KAZN: variants seen among roughly 807,000 people sequenced by gnomAD.
KAZN encodes the protein kazrin, periplakin interacting protein.
A neutral mutation model predicts 87.4 loss-of-function variants in KAZN; 40 were observed. The observed-to-expected ratio is 0.46, with a 90% CI of 0.36 to 0.60. KAZN has a LOEUF of 0.60. Among genes scored for constraint, KAZN ranks in the 20% least tolerant of loss-of-function variants. The pLI is 0.00. For missense variants in KAZN, 898 were observed against 1,073.9 expected (o/e 0.84, Z 2.29); for synonymous variants, 466 against 458.3 (o/e 1.02, Z -0.22).
intron 2 of KAZN, among the ~76,000 whole-genome samples, chr1:14,201,017 T>C (rs1476983355): frequency 6.6e-6 from 1 of 152,184 alleles, no homozygotes; most frequent in Admixed American, 6.5e-5. Flanking sequence ...GATTGGCGCA[T>C]GGCCTCTCCT....
rs189585591 is a variant in KAZN at position 15,026,114 on chromosome 1, C to G, written c.419-8635C>G. Among the ~76,000 whole-genome samples the G allele has an allele frequency of 2.5e-3, 377 of 152,238 alleles. 1 individual carries two copies. The highest frequency in any genetic ancestry group is 8.7e-3 in the African/African-American group (361 of 41,558). ...GCCCTCGACTGGCCCTTTCCTTCTC[C>G]CTGACCTGGGTCTCTTCCCCGGGGC... On this transcript the variant is annotated intron_variant, in intron 2 of 14. Coordinates refer to ENST00000376030, the MANE Select transcript of KAZN (RefSeq NM_201628.3).
chr1:14,941,896 T>C (rs183542097), intron 1 of KAZN, among the ~76,000 whole-genome samples: 8 of 152,220 alleles, frequency 5.3e-5, no homozygotes, highest in East Asian at 3.9e-4. Flanking sequence ...GAACCCGGCA[T>C]TGGTCTTTTG....
intron 1 of KAZN, among the ~76,000 whole-genome samples, chr1:14,176,489 G>C (rs935182068): frequency 6.6e-6 from 1 of 152,188 alleles, no homozygotes; most frequent in Non-Finnish European, 1.5e-5. Flanking sequence ...TCTGTTTTCA[G>C]ATCCCCAAAT....
rs146708257 is a variant in KAZN at position 13,902,797 on chromosome 1, C to T, written c.91+9041C>T. Among the ~76,000 whole-genome samples the T allele has an allele frequency of 2.6e-5, 4 of 152,326 alleles. No individual in the cohort carries two copies. In the East Asian group the frequency reaches 7.7e-4, roughly 29 times the overall value. ...TATGAATGTAATGAAATATCACATG[C>T]ACCCTCAAAATATGAACTATTATGT... is the stretch of plus-strand genomic sequence containing the variant. On this transcript the variant is annotated intron_variant, in intron 1 of 16. Coordinates refer to the KAZN transcript ENST00000636203.
intron 2 of KAZN, among the ~76,000 whole-genome samples, chr1:15,026,710 C>T (rs1325984073): frequency 1.1e-5 from 1 of 90,882 alleles, no homozygotes; most frequent in African/African-American, 5.1e-5. Context: ...AACCAAGGAT[C>T]GAAAATAATT....
chr1:14,917,357 A>T (rs1657923760), intron 1 of KAZN, among the ~76,000 whole-genome samples: 1 of 152,212 alleles, frequency 6.6e-6, no homozygotes, highest in African/African-American at 2.4e-5. Flanking sequence ...TGGCCTCAGC[A>T]ACAAAGGCGG....
intron 1 of KAZN, among the ~76,000 whole-genome samples, chr1:14,007,486 G>A (rs1028148942): frequency 6.6e-6 from 1 of 152,192 alleles, no homozygotes; most frequent in East Asian, 1.9e-4. Context: ...CACCCAGCTG[G>A]ACAGGGTGGC....
chr1:14,680,556 C>A (rs1263625270), intron 1 of KAZN, among the ~76,000 whole-genome samples: 2 of 152,156 alleles, frequency 1.3e-5, no homozygotes, highest in East Asian at 3.8e-4. Context: ...ATCAACCCGT[C>A]ACCTAGGTTT....
At chr1:14,461,955 G>A (rs1667876069) in intron 2 of KAZN, among the ~76,000 whole-genome samples, 1 of 151,798 alleles carries the variant, frequency 6.6e-6, no homozygotes, top group African/African-American at 2.4e-5. Flanking sequence ...TGGGTGATAT[G>A]GTTTGGCTGT....
chr1:14,681,611 GTGTATATATATATATATATATATA>G (rs56032824), intron 1 of KAZN, among the ~76,000 whole-genome samples: 4,345 of 33,672 alleles, frequency 0.13, 487 homozygotes, highest in East Asian at 0.2. Context: ...ATATGTATAT[GTGTATATATATATATATATATATA>G]TATATATATA....
chr1:14,935,291 A>G (rs143457792), intron 1 of KAZN, among the ~76,000 whole-genome samples: 1,787 of 152,080 alleles, frequency 0.012, 29 homozygotes, highest in African/African-American at 0.031. Context: ...ACAAGGCTGG[A>G]GTGCGGTGGC....
chr1:13,990,287 G>A (rs948380414), intron 1 of KAZN, among the ~76,000 whole-genome samples: 3 of 152,028 alleles, frequency 2.0e-5, no homozygotes, highest in African/African-American at 7.3e-5. Context: ...AGTCCATCAA[G>A]AAAAGAATGA....
At chr1:14,843,735 G>C (rs972052596) in intron 1 of KAZN, among the ~76,000 whole-genome samples, 1 of 152,204 alleles carries the variant, frequency 6.6e-6, no homozygotes, top group Non-Finnish European at 1.5e-5. Context: ...CCTGACAGCT[G>C]TTTATTCTCC....
intron 1 of KAZN, among the ~76,000 whole-genome samples, chr1:14,608,241 C>T (rs1035160548): frequency 3.3e-5 from 5 of 152,192 alleles, no homozygotes; most frequent in African/African-American, 1.2e-4. Context: ...TTTCTTCTTC[C>T]TCGCTTCTCT....
At chr1:14,888,918 G>A (rs1437626406) in intron 1 of KAZN, among the ~76,000 whole-genome samples, 1 of 152,180 alleles carries the variant, frequency 6.6e-6, no homozygotes, top group Non-Finnish European at 1.5e-5. Flanking sequence ...CTATACAGAG[G>A]TGTCCAATCT....
At chr1:14,610,445 G>A (rs1046233152) in intron 1 of KAZN, among the ~76,000 whole-genome samples, 8 of 151,724 alleles carry the variant, frequency 5.3e-5, no homozygotes, top group African/African-American at 1.5e-4. Flanking sequence ...GGATGGTCTC[G>A]ATCTCCTGAC....
intron 2 of KAZN, among the ~76,000 whole-genome samples, chr1:14,965,026 A>AT (rs1189823404): frequency 1.1e-4 from 17 of 149,746 alleles, no homozygotes; most frequent in African/African-American, 3.4e-4. Flanking sequence ...ACATATATAT[A>AT]TATTTTTTTC....
intron 1 of KAZN, among the ~76,000 whole-genome samples, chr1:14,040,533 A>G (rs1371769129): frequency 6.6e-6 from 1 of 152,166 alleles, no homozygotes; most frequent in Non-Finnish European, 1.5e-5. Context: ...AGGCCAAGGC[A>G]GGCAGATCAC....
intron 1 of KAZN, among the ~76,000 whole-genome samples, chr1:14,171,960 C>G (rs1011790139): frequency 1.3e-5 from 2 of 149,948 alleles, no homozygotes; most frequent in African/African-American, 5.0e-5. Context: ...AATGTCAAAG[C>G]GTGTCATTTT....
Sources: gnomAD v4.1 joint callset for allele counts (sites outside exome capture counted in the v4.1 genomes callset) on GRCh38, gnomAD v4.1.1 for gene constraint, MANE v1.5 for transcripts, NCBI Gene and HGNC (gene_info 2026-07-23, HGNC 2026-07-21) for gene names.